DIAPH3: variants seen among roughly 807,000 people sequenced by gnomAD.
DIAPH3 encodes diaphanous related formin 3, also known as protein diaphanous homolog 3.
A neutral mutation model predicts 144.3 loss-of-function variants in DIAPH3; 117 were observed. The ratio of observed to expected loss-of-function variants is 0.81; its 90% CI spans 0.70 to 0.95. The LOEUF is 0.95. Among genes scored for constraint, DIAPH3 ranks in the 40% least tolerant of loss-of-function variants. The probability of loss-of-function intolerance (pLI) is 0.00; values close to 1 mark genes in which losing one functional copy is unlikely to be tolerated. For missense variants in DIAPH3, 1,421 were observed against 1,412.7 expected, an observed-to-expected ratio of 1.01 and a Z score of -0.09; for synonymous variants, 519 against 488.9, an observed-to-expected ratio of 1.06 and a Z score of -0.81.
intron 1 of DIAPH3, among the ~76,000 whole-genome samples, chr13:60,160,508 G>A (rs1717720721): frequency 6.6e-6 from 1 of 152,202 alleles, no homozygotes; most frequent in Admixed American, 6.5e-5. Context: ...GTGTTGCCAA[G>A]AGTAATGAGA....
chr13:59,999,029 T>C (rs1213825488), intron 9 of DIAPH3, among the ~76,000 whole-genome samples: 2 of 152,122 alleles, frequency 1.3e-5, no homozygotes, highest in Non-Finnish European at 2.9e-5. Context: ...GATATAACTG[T>C]TTATTATAAG....
At chr13:60,090,398 C>G (rs2057891504) in intron 4 of DIAPH3, among the ~76,000 whole-genome samples, 1 of 151,786 alleles carries the variant, frequency 6.6e-6, no homozygotes, top group Non-Finnish European at 1.5e-5. Flanking sequence ...AAAAACCAAC[C>G]TTATCTACGT....
intron 18 of DIAPH3, among the ~76,000 whole-genome samples, chr13:59,921,465 A>G (rs1237121180): frequency 6.6e-6 from 1 of 151,808 alleles, no homozygotes; most frequent in Admixed American, 6.6e-5. Flanking sequence ...ACATCAATAA[A>G]TTGGATAACC....
At chr13:60,100,113 T>A (rs2058229187) in intron 3 of DIAPH3, among the ~76,000 whole-genome samples, 2 of 152,162 alleles carry the variant, frequency 1.3e-5, no homozygotes, top group Admixed American at 6.5e-5. Flanking sequence ...TGTGCAGATA[T>A]CCTTTTTCTC....
rs1384615634 is a variant in DIAPH3, at chr13:59,826,923, C to A, written c.3027+6184G>T. On this transcript the variant is annotated intron_variant, in intron 24 of 27. Coordinates refer to ENST00000400324, the MANE Select transcript of DIAPH3 (RefSeq NM_001042517.2). ...CTTTGACAAACCTGACAAAAACAAGCAATGGGGAAAGGATTCCCTATTTAA... is the reference window on the plus strand; with the variant it reads ...CTTTGACAAACCTGACAAAAACAAGAAATGGGGAAAGGATTCCCTATTTAA... Among the ~76,000 whole-genome samples the A allele has an allele frequency of 4.6e-5, 7 of 151,724 alleles. No homozygotes were observed. In the East Asian group the frequency reaches 9.7e-4, roughly 21 times the overall value.
intron 18 of DIAPH3, 25 bp from the exon 19 acceptor site, chr13:59,916,274 T>C: frequency 6.4e-7 from 1 of 1,564,012 alleles, no homozygotes; most frequent in Non-Finnish European, 8.8e-7. Flanking sequence ...GAGAGAAAGG[T>C]TTATAATGAA....
At chr13:60,126,509 T>A (rs1659533924) in intron 2 of DIAPH3, among the ~76,000 whole-genome samples, 1 of 152,152 alleles carries the variant, frequency 6.6e-6, no homozygotes, top group South Asian at 2.1e-4. Flanking sequence ...AAATCTAAAA[T>A]CACAGTGGGA....
chr13:59,898,287 T>G (rs1186483280), intron 20 of DIAPH3, among the ~76,000 whole-genome samples: 3 of 152,138 alleles, frequency 2.0e-5, no homozygotes, highest in African/African-American at 7.2e-5. Context: ...AGGTTCTATA[T>G]TCACGTATAT....
chr13:59,882,689 A>G (rs2045148958), intron 20 of DIAPH3, among the ~76,000 whole-genome samples: 1 of 152,222 alleles, frequency 6.6e-6, no homozygotes. Context: ...GTAAATGAAC[A>G]ATAAACATAA....
At chr13:60,131,465 T>C (rs1466431745) in intron 2 of DIAPH3, among the ~76,000 whole-genome samples, 1 of 100,734 alleles carries the variant, frequency 9.9e-6, no homozygotes, top group African/African-American at 3.8e-5. Context: ...AAAAAACAAA[T>C]GAAGTACTGA....
intron 4 of DIAPH3, among the ~76,000 whole-genome samples, chr13:60,050,033 C>T (rs1364920137): frequency 1.3e-5 from 2 of 152,060 alleles, no homozygotes; most frequent in African/African-American, 4.8e-5. Context: ...CTACAAAAAA[C>T]ATTTTTCTTA....
intron 27 of DIAPH3, among the ~76,000 whole-genome samples, chr13:59,762,728 CT>C (rs1286153661): frequency 2.0e-5 from 3 of 152,028 alleles, no homozygotes; most frequent in Non-Finnish European, 2.9e-5. Context: ...ACATTTTCCC[CT>C]GATCTTCCCT....
chr13:59,709,380 A>G (rs982869789), intron 27 of DIAPH3, among the ~76,000 whole-genome samples: 1 of 152,198 alleles, frequency 6.6e-6, no homozygotes, highest in Non-Finnish European at 1.5e-5. Context: ...TCTACAATGA[A>G]CTCAAACAAA....
chr13:59,907,897 A>G (rs2140216672), intron 20 of DIAPH3, among the ~76,000 whole-genome samples: 1 of 152,370 alleles, frequency 6.6e-6, no homozygotes, highest in African/African-American at 2.4e-5. Context: ...ATAAATATGA[A>G]CATGAAAGTC....
chr13:59,765,402 C>T (rs2037819219), intron 27 of DIAPH3, among the ~76,000 whole-genome samples: 2 of 152,188 alleles, frequency 1.3e-5, no homozygotes, highest in African/African-American at 4.8e-5. Context: ...CTAGGCACTA[C>T]ATCACAAATC....
chr13:60,153,240 A>G (rs1338798971), intron 1 of DIAPH3, among the ~76,000 whole-genome samples: 1 of 152,144 alleles, frequency 6.6e-6, no homozygotes, highest in Admixed American at 6.5e-5. Context: ...ATTATTCTGG[A>G]AACTATGCAC....
chr13:60,160,330 G>A (rs998157888), intron 1 of DIAPH3, among the ~76,000 whole-genome samples: 15 of 152,208 alleles, frequency 9.9e-5, no homozygotes, highest in South Asian at 2.1e-4. Flanking sequence ...ACGATTAGAC[G>A]ATTTACACTG....
At chr13:59,851,282 C>T (rs1399603995) in intron 22 of DIAPH3, among the ~76,000 whole-genome samples, 1 of 152,190 alleles carries the variant, frequency 6.6e-6, no homozygotes, top group African/African-American at 2.4e-5. Flanking sequence ...CTGCTCCAGT[C>T]TCACTTCCAT....
intron 3 of DIAPH3, among the ~76,000 whole-genome samples, chr13:60,106,231 T>C (rs2058417241): frequency 6.6e-6 from 1 of 152,094 alleles, no homozygotes; most frequent in South Asian, 2.1e-4. Flanking sequence ...AATGCAGAAC[T>C]AGACAAACGA....
Sources: gnomAD v4.1 joint callset for allele counts (sites outside exome capture counted in the v4.1 genomes callset) on GRCh38, gnomAD v4.1.1 for gene constraint, MANE v1.5 for transcripts, NCBI Gene and HGNC (gene_info 2026-07-23, HGNC 2026-07-21) for gene names.